SH2B3: variants seen among roughly 807,000 people sequenced by gnomAD.
SH2B3 encodes SH2B adaptor protein 3, also known as SH2B adapter protein 3.
SH2B3 carries 43 observed loss-of-function variants against 51.9 expected under a neutral mutation model. The observed-to-expected ratio is 0.83, with a 90% CI of 0.65 to 1.07. SH2B3 has a LOEUF of 1.07. Among genes scored for constraint, SH2B3 ranks in the 50% least tolerant of loss-of-function variants. The pLI is 0.00. For synonymous variants in SH2B3, 396 were observed against 376.0 expected (o/e 1.05, Z -0.62); for missense variants, 952 against 834.3 (o/e 1.14, Z -1.74).
chr12:111,425,902 C>T (rs756440275), intron 2 of SH2B3, among the ~76,000 whole-genome samples: 5 of 152,268 alleles, frequency 3.3e-5, no homozygotes, highest in African/African-American at 4.8e-5. Flanking sequence ...ATCGGGCTCA[C>T]GACCGACACT....
chr12:111,443,726 C>G (rs1050603118), intron 2 of SH2B3: 3 of 152,230 alleles, frequency 2.0e-5, no homozygotes, highest in African/African-American at 4.8e-5. Context: ...GGGAGCCAAG[C>G]AGGCTTTACT....
Position 111,446,771 on chromosome 12 carries a change from C to A in SH2B3, c.751C>A (p.Gln251Lys). The A allele has an allele frequency of 6.4e-7, 1 of 1,550,890 alleles. No individual in the cohort carries two copies. The highest frequency in any genetic ancestry group is 8.7e-7 in the Non-Finnish European group (1 of 1,146,332). The change falls in exon 3 of 8, where the codon CAA becomes AAA. Residue 251 changes from glutamine (Q) to lysine (K), a missense_variant. Transcript: ENST00000341259. ...DPPKSSRPKL[Q>K]AACSSIQEVR... is the part of the protein sequence containing the mutation. ...CTCGTAGAGTTCAAGGCCCAAGCTA[C>A]AAGCAGCTTGCTCCAGCATCCAGGA...
intron 2 of SH2B3, among the ~76,000 whole-genome samples, chr12:111,441,630 T>A (rs1288766574): frequency 1.3e-5 from 2 of 152,160 alleles, no homozygotes; most frequent in East Asian, 3.9e-4. Flanking sequence ...AGGACCTTCC[T>A]CACCTCAATC....
At chr12:111,444,708 C>T in intron 2 of SH2B3, 1 of 984,938 alleles carries the variant, frequency 1.0e-6, no homozygotes, top group Non-Finnish European at 1.2e-6. Context: ...ATAGCTTAAT[C>T]TGATGGGCAT....
In SH2B3 at chr12:111,448,433, G is replaced by A; in HGVS notation, c.*131G>A. 2.8e-6 allele frequency: 2 copies of A among 726,204 alleles called. No homozygotes were observed. Among genetic ancestry groups the A allele is most frequent in the Non-Finnish European group, 4.5e-6 (2 of 446,406 alleles). The allele number at this position is 726,204 out of a possible 1,614,324, so 45.0% of individuals were successfully genotyped here. ...GGGACACTGTTAACTGCTCGTGCCA[G>A]TTTGGAAGTGACCCTTCTATTAGGC... On this transcript the variant is annotated 3_prime_UTR_variant, in exon 8 of 8. Coordinates refer to ENST00000341259, the MANE Select transcript of SH2B3 (RefSeq NM_005475.3).
chr12:111,436,667 TCGCTGTAGGGAGG>T (rs1253596414), intron 2 of SH2B3, among the ~76,000 whole-genome samples: 1 of 151,958 alleles, frequency 6.6e-6, no homozygotes, highest in African/African-American at 2.4e-5. Flanking sequence ...TGGGTGTCTG[TCGCTGTAGGGAGG>T]CCACTCTAGC....
At chr12:111,420,391 A>G (rs575760658) in intron 2 of SH2B3, among the ~76,000 whole-genome samples, 2,466 of 148,476 alleles carry the variant, frequency 0.017, 24 homozygotes, top group South Asian at 0.052. Flanking sequence ...AAAAAAAAAA[A>G]GTTCTTTTCC....
At chr12:111,432,894 ATTTG>A (rs890517647) in intron 2 of SH2B3, among the ~76,000 whole-genome samples, 1 of 152,164 alleles carries the variant, frequency 6.6e-6, no homozygotes, top group Non-Finnish European at 1.5e-5. Flanking sequence ...CATTTTGCTT[ATTTG>A]TTTATCACTT....
chr12:111,427,522 G>A (rs1872115673), intron 2 of SH2B3, among the ~76,000 whole-genome samples: 1 of 152,224 alleles, frequency 6.6e-6, no homozygotes, highest in African/African-American at 2.4e-5. Context: ...GACAGCAGTG[G>A]GGGCCCTGGG....
upstream of SH2B3, among the ~76,000 whole-genome samples, chr12:111,405,434 G>A (rs1002242778): frequency 2.6e-5 from 4 of 152,182 alleles, no homozygotes; most frequent in African/African-American, 9.6e-5. This position sits in a 1 kb window ranked among gnomAD's most constrained non-coding sequence, Gnocchi z 5.4. Flanking sequence ...GCACCGCCCA[G>A]CCCTGCGGGC....
At chr12:111,422,186 TTC>T (rs548009578) in intron 2 of SH2B3, among the ~76,000 whole-genome samples, 134 of 152,244 alleles carry the variant, frequency 8.8e-4, no homozygotes, top group African/African-American at 3.1e-3. Flanking sequence ...TTCAAGCTGA[TTC>T]TCCTGCCTTA....
upstream of SH2B3, among the ~76,000 whole-genome samples, chr12:111,405,091 C>A (rs554121543): frequency 5.3e-5 from 8 of 152,336 alleles, no homozygotes; most frequent in African/African-American, 1.9e-4. The surrounding 1 kb of genome is among the most constrained non-coding windows in gnomAD (Gnocchi z 5.4). Flanking sequence ...ACCCCACTGT[C>A]CGTCTCAGCT....
At position 111,429,390 on chromosome 12, in the gene SH2B3, G is replaced by A. The variant is rs1265429314; in HGVS notation, c.732+10513G>A. On this transcript the variant is annotated intron_variant, in intron 2 of 7. Coordinates refer to ENST00000341259, the MANE Select transcript of SH2B3 (RefSeq NM_005475.3). The surrounding 1 kb of genome is among the most constrained non-coding windows in gnomAD (Gnocchi z 4.4). The stretch of plus-strand genomic sequence containing the variant: ...TCTGTCGCCCAGGTTAGAGCAGAGT[G>A]GTGTGATTTTGGCTCACTGCAACCA... Among the ~76,000 whole-genome samples, 1 of 152,128 alleles carries A rather than the reference G, an allele frequency of 6.6e-6. No homozygotes were observed. Among genetic ancestry groups the A allele is most frequent in the Non-Finnish European group, 1.5e-5 (1 of 68,022 alleles).
rs1474199230 is a variant in SH2B3, at chr12:111,447,540, C to G, written c.1232C>G (p.Ala411Gly). 8.8e-7 allele frequency: 1 copy of G among 1,135,454 alleles called. No individual in the cohort carries two copies. Among genetic ancestry groups the G allele is most frequent in the Non-Finnish European group, 1.2e-6 (1 of 831,856 alleles). The allele number at this position is 1,135,454 out of a possible 1,614,324, so 70.3% of individuals were successfully genotyped here. Residue 411 changes from alanine (A) to glycine (G), a missense_variant, in exon 6 of 8, where the codon GCC (alanine) becomes GGC (glycine). Ala to Gly is a moderately conservative substitution (Grantham distance 60). Transcript: ENST00000341259. ...CTCACTTTCAACTTTCAGGGGATAG[C>G]CAAGGTATGGGGTGGGGTGGGGTGG... Reference protein sequence around the residue: ...YVLTFNFQGIAKHLRLSLTER... With the variant: ...YVLTFNFQGIGKHLRLSLTER...
At position 111,409,476 on chromosome 12, in the gene SH2B3, T is replaced by G. The variant is rs987760386; in HGVS notation, c.-28+3199T>G. Among the ~76,000 whole-genome samples the G allele has an allele frequency of 6.6e-6, 1 of 152,224 alleles. No homozygotes were observed. Among genetic ancestry groups the G allele is most frequent in the African/African-American group, 2.4e-5 (1 of 41,462 alleles). On this transcript the variant is annotated intron_variant, in intron 1 of 7. Transcript: ENST00000341259. This position sits in a 1 kb window ranked among gnomAD's most constrained non-coding sequence, Gnocchi z 4.0. ...GGCAGGGCAGGAAGCCGCTGCCGTCTGGCAGACCGGAGACGCCTGCCTCGG... is the reference window on the plus strand; with the variant it reads ...GGCAGGGCAGGAAGCCGCTGCCGTCGGGCAGACCGGAGACGCCTGCCTCGG...
At chr12:111,411,847 C>T (rs1870725928) in intron 1 of SH2B3, among the ~76,000 whole-genome samples, 1 of 152,218 alleles carries the variant, frequency 6.6e-6, no homozygotes, top group South Asian at 2.1e-4. Flanking sequence ...TCCTTCTGCA[C>T]ATCATCCTGC....
chr12:111,430,640 G>A (rs921632710), intron 2 of SH2B3, among the ~76,000 whole-genome samples: 3 of 152,200 alleles, frequency 2.0e-5, no homozygotes, highest in African/African-American at 7.2e-5. Flanking sequence ...CAGATGGACA[G>A]GGTCAGGTTC....
chr12:111,418,325 C>G lies in SH2B3; in HGVS notation c.180C>G (p.Ala60=). 6.6e-7 allele frequency: 1 copy of G among 1,526,016 alleles called. No homozygotes were observed. The highest frequency in any genetic ancestry group is 1.2e-5 in the South Asian group (1 of 83,360). 94.5% of individuals were successfully genotyped at this position (1,526,016 alleles called of 1,614,324 possible). The stretch of plus-strand genomic sequence containing the variant: ...ATCCGCAGCACGCGCCGCTGCGCGC[C>G]GAGCTGGTGTCGCTGCAGTTCACCG... ...REHPQHAPLR[A]ELVSLQFTDL... The change falls in exon 2 of 8, where the codon GCC becomes GCG. Residue 60 remains alanine (A), a synonymous_variant. Coordinates refer to ENST00000341259, the MANE Select transcript of SH2B3 (RefSeq NM_005475.3). The surrounding 1 kb of genome is among the most constrained non-coding windows in gnomAD (Gnocchi z 6.7).
intron 2 of SH2B3, among the ~76,000 whole-genome samples, chr12:111,430,416 G>T (rs940432096): frequency 6.6e-6 from 1 of 152,178 alleles, no homozygotes; most frequent in Non-Finnish European, 1.5e-5. Flanking sequence ...ATCCAACAAG[G>T]GGGGAGGTAA....
Sources: allele counts gnomAD v4.1 joint callset (sites outside exome capture counted in the v4.1 genomes callset), GRCh38; gene constraint gnomAD v4.1.1; non-coding constraint Gnocchi (gnomAD v3.1); transcripts MANE v1.5; gene names NCBI Gene and HGNC (gene_info 2026-07-23, HGNC 2026-07-21).